WRN: variants seen among roughly 807,000 people sequenced by gnomAD.
WRN encodes WRN RecQ like helicase.
WRN carries 149 observed loss-of-function variants against 180.7 expected under a neutral mutation model. That is an observed-to-expected ratio of 0.82 (90% CI 0.72 to 0.94). The LOEUF is 0.94. WRN is among the 40% of genes least tolerant of loss of function. The pLI is 0.00. For missense variants in WRN, 1,661 were observed against 1,700.1 expected (o/e 0.98, Z 0.40); for synonymous variants, 548 against 568.9 (o/e 0.96, Z 0.52).
rs1319345826 is a variant in WRN at position 31,173,440 on chromosome 8, A to G, written c.*338A>G. ...TGCTCTGATTTGATATAGATAACAG[A>G]TTAGTAGTTACATGGTAATTATGTG... On this transcript the variant is annotated 3_prime_UTR_variant, in exon 35 of 35. Coordinates refer to ENST00000298139, the MANE Select transcript of WRN (RefSeq NM_000553.6). 3.9e-6 allele frequency: 1 copy of G among 259,474 alleles called. No homozygotes were observed. Among genetic ancestry groups the G allele is most frequent in the Non-Finnish European group, 7.5e-6 (1 of 133,776 alleles). The allele number at this position is 259,474 out of a possible 1,614,324, so 16.1% of individuals were successfully genotyped here.
intron 3 of WRN, among the ~76,000 whole-genome samples, chr8:31,061,212 C>T (rs1812472691): frequency 6.6e-6 from 1 of 151,788 alleles, no homozygotes; most frequent in Non-Finnish European, 1.5e-5. Context: ...AGTTTTGTTT[C>T]CTGTCTTCAA....
At chr8:31,157,330 T>C in intron 32 of WRN, 38 bp from the exon 33 acceptor site, 3 of 1,611,950 alleles carry the variant, frequency 1.9e-6, no homozygotes, top group Non-Finnish European at 2.5e-6. Context: ...AGTGGACACT[T>C]TTACAACTCA....
chr8:31,083,688 T>G lies in WRN; in HGVS notation c.1270-11T>G, dbSNP rs747848971. 1.1e-5 allele frequency: 18 copies of G among 1,606,616 alleles called. No homozygotes were observed. The highest frequency in any genetic ancestry group is 1.4e-5 in the Non-Finnish European group (17 of 1,174,112). Reference sequence around the variant, plus strand: ...TATATTGGAAATTAATGCTTAATACTTTTTTTAAAGCATTTATCTCCCAAT... The same window carrying G: ...TATATTGGAAATTAATGCTTAATACGTTTTTTAAAGCATTTATCTCCCAAT... On this transcript the variant is annotated splice_polypyrimidine_tract_variant and intron_variant, in intron 9 of 34. Coordinates refer to ENST00000298139, the MANE Select transcript of WRN (RefSeq NM_000553.6).
chr8:31,114,172 C>G (rs114370982), intron 19 of WRN, among the ~76,000 whole-genome samples: 1 of 152,236 alleles, frequency 6.6e-6, no homozygotes, highest in African/African-American at 2.4e-5. Flanking sequence ...GAGCATTGCC[C>G]GTTATTTCCA....
intron 33 of WRN, among the ~76,000 whole-genome samples, chr8:31,164,254 G>A (rs1803760363): frequency 6.6e-6 from 1 of 151,926 alleles, no homozygotes; most frequent in South Asian, 2.1e-4. Context: ...TCTCTTACTG[G>A]AGAAAACATT....
intron 21 of WRN, 148 bp downstream of exon 21, chr8:31,120,572 C>A: frequency 2.4e-6 from 2 of 846,840 alleles, no homozygotes; most frequent in South Asian, 1.9e-5. Flanking sequence ...ATAAAACCTC[C>A]CCAAATCCAG....
chr8:31,157,782 C>T (rs1803447213), intron 33 of WRN, among the ~76,000 whole-genome samples: 2 of 152,078 alleles, frequency 1.3e-5, no homozygotes, highest in Admixed American at 1.3e-4. Context: ...GGCTGGAGTG[C>T]AGTGGCGTGA....
At position 31,142,737 on chromosome 8, in the gene WRN, T is replaced by G. The variant is rs759650261; in HGVS notation, c.3309+36T>G. ...AAGAAATTGTTCTGATTTATTTCATTCTTTATTGATTCAAATTCTGTTTAA... is the reference window on the plus strand; with the variant it reads ...AAGAAATTGTTCTGATTTATTTCATGCTTTATTGATTCAAATTCTGTTTAA... On this transcript the variant is annotated intron_variant, in intron 27 of 34. Coordinates refer to ENST00000298139, the MANE Select transcript of WRN (RefSeq NM_000553.6). 6.7e-6 allele frequency: 10 copies of G among 1,491,870 alleles called. No homozygotes were observed. In the Admixed American group the frequency reaches 1.8e-4, roughly 27 times the overall value. The allele number at this position is 1,491,870 out of a possible 1,614,324, so 92.4% of individuals were successfully genotyped here. A position where few individuals can be genotyped will look rare whatever the true frequency, so the allele number is the denominator to read the frequency against.
At chr8:31,045,313 T>C (rs533141648) in intron 1 of WRN, among the ~76,000 whole-genome samples, 1 of 152,308 alleles carries the variant, frequency 6.6e-6, no homozygotes, top group East Asian at 1.9e-4. Context: ...CCACCTTCCA[T>C]AGTCTCTGCA....
At chr8:31,165,704 G>A (rs1803829785) in intron 33 of WRN, among the ~76,000 whole-genome samples, 2 of 152,020 alleles carry the variant, frequency 1.3e-5, no homozygotes, top group Admixed American at 1.3e-4. Context: ...GTTGAACAAC[G>A]TGGACTAATG....
At chr8:31,137,880 C>T (rs560142460) in intron 24 of WRN, among the ~76,000 whole-genome samples, 2 of 152,118 alleles carry the variant, frequency 1.3e-5, no homozygotes, top group African/African-American at 4.8e-5. Context: ...ACGAGGATCT[C>T]TCAACCCCAG....
At chr8:31,114,905 T>G (rs1801455361) in intron 19 of WRN, among the ~76,000 whole-genome samples, 1 of 150,588 alleles carries the variant, frequency 6.6e-6, no homozygotes, top group African/African-American at 2.4e-5. Flanking sequence ...TTTTTTTTTT[T>G]TTTTTTTTGA....
chr8:31,084,574 C>T lies in WRN; in HGVS notation c.1351-592C>T, dbSNP rs1813451290. On this transcript the variant is annotated intron_variant, in intron 10 of 34. Transcript: ENST00000298139. ...CTTTCTATGGATTTTTGTGGGGGAT[C>T]CCATCTTGTTGGACACTTGGTTCCT... Among the ~76,000 whole-genome samples, 6 of 152,074 alleles carry T rather than the reference C, an allele frequency of 3.9e-5. No homozygotes were observed. The South Asian group carries it at 1.2e-3, about 32-fold the overall frequency.
chr8:31,101,225 C>T (rs1337846111), intron 18 of WRN, among the ~76,000 whole-genome samples: 1 of 152,140 alleles, frequency 6.6e-6, no homozygotes, highest in Non-Finnish European at 1.5e-5. Flanking sequence ...ACATATTCCT[C>T]TCTCTGTTTT....
intron 21 of WRN, among the ~76,000 whole-genome samples, chr8:31,120,953 A>T (rs1045065542): frequency 3.3e-5 from 5 of 151,890 alleles, no homozygotes; most frequent in Admixed American, 2.0e-4. Context: ...TTGACTGTGT[A>T]TGAATCATTG....
At chr8:31,111,505 A>G in intron 18 of WRN, 110 bp from the exon 19 acceptor site, 1 of 1,352,604 alleles carries the variant, frequency 7.4e-7, no homozygotes, top group East Asian at 2.4e-5. Flanking sequence ...TGTGTCTTTA[A>G]CATTGTACCA....
intron 16 of WRN, 77 bp downstream of exon 16, chr8:31,091,975 A>C (rs1813765394): frequency 7.6e-7 from 1 of 1,317,270 alleles, no homozygotes; most frequent in East Asian, 2.3e-5. Flanking sequence ...TGGGTGAATT[A>C]CATGTTGCTG....
chr8:31,147,609 G>A lies in WRN; in HGVS notation c.3572+133G>A, dbSNP rs971087612. On this transcript the variant is annotated intron_variant, in intron 30 of 34. Transcript: ENST00000298139. ...AGGTGACTCAGATTCCCCCTGCTGC[G>A]ATGCTTATCTCTTTGCCAAGCTTTA... 14 of 806,262 alleles carry A rather than the reference G, an allele frequency of 1.7e-5. No individual in the cohort carries two copies. In the Admixed American group the frequency reaches 1.8e-4, roughly 11 times the overall value. 49.9% of individuals were successfully genotyped at this position (806,262 alleles called of 1,614,324 possible).
At chr8:31,090,331 C>G (rs901233610) in intron 13 of WRN, 134 bp from the exon 14 acceptor site, 6 of 811,676 alleles carry the variant, frequency 7.4e-6, no homozygotes, top group Non-Finnish European at 1.2e-5. Flanking sequence ...TTTTAAAGTT[C>G]CAGGTTTGTG....
Sources: gnomAD v4.1 joint callset for allele counts (sites outside exome capture counted in the v4.1 genomes callset) on GRCh38, gnomAD v4.1.1 for gene constraint, MANE v1.5 for transcripts, NCBI Gene and HGNC (gene_info 2026-07-23, HGNC 2026-07-21) for gene names.